ZFHX3: variants seen among roughly 807,000 people sequenced by gnomAD.
ZFHX3 encodes zinc finger homeobox protein 3.
ZFHX3 carries 42 observed loss-of-function variants against 279.1 expected under a neutral mutation model. The ratio of observed to expected loss-of-function variants is 0.15; its 90% CI spans 0.12 to 0.19. ZFHX3 has a LOEUF of 0.19. Ranked by LOEUF, ZFHX3 falls within the 10% of genes least tolerant of loss-of-function variation. The pLI, the probability that ZFHX3 is intolerant of heterozygous loss-of-function variation, is 1.00. For synonymous variants in ZFHX3, 2,293 were observed against 1,957.8 expected, an observed-to-expected ratio of 1.17 and a Z score of -4.52; for missense variants, 4,981 against 4,754.0, an observed-to-expected ratio of 1.05 and a Z score of -1.40.
At chr16:73,464,338 G>C (rs572219294) in intron 2 of ZFHX3, among the ~76,000 whole-genome samples, 101 of 152,082 alleles carry the variant, frequency 6.6e-4, no homozygotes, top group African/African-American at 2.4e-3. Flanking sequence ...ATTACAGTCC[G>C]GCTCTTCTGG....
At chr16:72,974,622 C>T (rs963859842) in intron 1 of ZFHX3, among the ~76,000 whole-genome samples, 1 of 151,584 alleles carries the variant, frequency 6.6e-6, no homozygotes, top group Non-Finnish European at 1.5e-5. Context: ...CCAACACGGG[C>T]ACAGCGAGTT....
chr16:73,619,858 T>G lies in ZFHX3; in HGVS notation c.-1547+60322A>C, dbSNP rs548176467. On this transcript the variant is annotated intron_variant, in intron 2 of 17. Coordinates refer to the ZFHX3 transcript ENST00000641206. ...TATCCCACGTCTCAAGTTTTTCTCA[T>G]GTGAGTCTCCATAAACCTTACTATT... 1.3e-3 allele frequency among the ~76,000 whole-genome samples: 205 copies of G among 152,332 alleles called. 1 individual carries two copies. Among genetic ancestry groups the G allele is most frequent in the African/African-American group, 4.5e-3 (187 of 41,582 alleles).
chr16:72,948,326 A>C (rs1960806818), intron 3 of ZFHX3, among the ~76,000 whole-genome samples: 1 of 152,176 alleles, frequency 6.6e-6, no homozygotes, highest in South Asian at 2.1e-4. Flanking sequence ...TCTACCCTGC[A>C]TCCCAACGCT....
chr16:73,681,162 T>C lies in ZFHX3; in HGVS notation c.-1607-922A>G, dbSNP rs2053006134. ...TCAAAAATGACAGAAGATGGTTGCA[T>C]GCATAAGCATCTTGCTATTATTTCC... On this transcript the variant is annotated intron_variant, in intron 1 of 17. Transcript: ENST00000641206. 3.9e-5 allele frequency among the ~76,000 whole-genome samples: 6 copies of C among 152,362 alleles called. No individual in the cohort carries two copies. The South Asian group carries it at 1.2e-3, about 32-fold the overall frequency.
intron 2 of ZFHX3, among the ~76,000 whole-genome samples, chr16:73,584,421 G>A (rs1298617706): frequency 6.6e-6 from 1 of 152,182 alleles, no homozygotes; most frequent in Admixed American, 6.5e-5. Flanking sequence ...CAGATAGACA[G>A]CTGACTGCTG....
intron 2 of ZFHX3, among the ~76,000 whole-genome samples, chr16:73,636,923 T>C (rs932092816): frequency 1.9e-4 from 29 of 152,072 alleles, no homozygotes; most frequent in Admixed American, 6.6e-5. Flanking sequence ...TTTTAAAGCT[T>C]AACTGAAAAA....
intron 2 of ZFHX3, among the ~76,000 whole-genome samples, chr16:73,478,350 G>C (rs565330194): frequency 6.6e-6 from 1 of 151,310 alleles, no homozygotes; most frequent in African/African-American, 2.4e-5. Context: ...TGGACCCTCA[G>C]ATTAAAAGTC....
chr16:73,188,471 C>T (rs899339615), intron 5 of ZFHX3, among the ~76,000 whole-genome samples: 3 of 152,220 alleles, frequency 2.0e-5, no homozygotes, highest in Non-Finnish European at 2.9e-5. Context: ...TGATGAGCTT[C>T]GGTCCACCTT....
At chr16:73,324,218 G>T (rs527767278) in intron 3 of ZFHX3, among the ~76,000 whole-genome samples, 2 of 152,250 alleles carry the variant, frequency 1.3e-5, no homozygotes, top group East Asian at 1.9e-4. Flanking sequence ...CCTGGGATTT[G>T]TCTGTGATAT....
upstream of ZFHX3, among the ~76,000 whole-genome samples, chr16:73,052,284 T>G (rs1434332833): frequency 1.3e-5 from 2 of 151,618 alleles, no homozygotes; most frequent in East Asian, 3.9e-4. Context: ...ACACGTGAGT[T>G]AAAACGATCC....
chr16:73,328,673 C>A (rs1447705316), intron 3 of ZFHX3, among the ~76,000 whole-genome samples: 1 of 152,076 alleles, frequency 6.6e-6, no homozygotes, highest in African/African-American at 2.4e-5. Flanking sequence ...AATAAACAGG[C>A]AAACCAAATA....
chr16:72,878,427 C>T (rs530539875), intron 4 of ZFHX3, among the ~76,000 whole-genome samples: 1 of 152,288 alleles, frequency 6.6e-6, no homozygotes, highest in South Asian at 2.1e-4. Context: ...GCTGCCCTCC[C>T]CATGCTGTGG....
At chr16:73,856,995 C>A (rs1299398689) in intron 1 of ZFHX3, among the ~76,000 whole-genome samples, 1 of 152,136 alleles carries the variant, frequency 6.6e-6, no homozygotes, top group Non-Finnish European at 1.5e-5. Flanking sequence ...GGCCAGAGAG[C>A]GGCACAGACA....
intron 3 of ZFHX3, among the ~76,000 whole-genome samples, chr16:73,376,626 T>C (rs1464468947): frequency 2.0e-5 from 3 of 152,168 alleles, no homozygotes; most frequent in African/African-American, 4.8e-5. Context: ...GAAATCTTAA[T>C]TCATGGTGTT....
intron 2 of ZFHX3, among the ~76,000 whole-genome samples, chr16:73,606,778 T>A (rs1036313405): frequency 6.6e-6 from 1 of 152,036 alleles, no homozygotes; most frequent in African/African-American, 2.4e-5. Context: ...TTTCCCCACA[T>A]GTGTCCATGT....
intron 7 of ZFHX3, 41 bp from the exon 8 acceptor site, chr16:72,800,170 C>A: frequency 6.5e-7 from 1 of 1,534,144 alleles, no homozygotes; most frequent in African/African-American, 1.4e-5. Flanking sequence ...GAGAGGAAAG[C>A]GACACAAAAT....
intron 2 of ZFHX3, among the ~76,000 whole-genome samples, chr16:73,664,826 T>G (rs1450571854): frequency 6.6e-6 from 1 of 152,212 alleles, no homozygotes; most frequent in African/African-American, 2.4e-5. Context: ...AGGAAAGTAA[T>G]TATAAAGGAC....
intron 1 of ZFHX3, among the ~76,000 whole-genome samples, chr16:73,706,304 T>A (rs2053302338): frequency 1.3e-5 from 2 of 151,596 alleles, no homozygotes; most frequent in South Asian, 4.2e-4. Flanking sequence ...CTCCTAAAGA[T>A]ACAAAAAATT....
intron 4 of ZFHX3, among the ~76,000 whole-genome samples, chr16:73,291,898 G>A (rs2014781573): frequency 6.6e-6 from 1 of 152,148 alleles, no homozygotes; most frequent in Non-Finnish European, 1.5e-5. Context: ...CTAGTCACTT[G>A]GCAAGCATCT....
Sources: gnomAD v4.1 joint callset for allele counts (sites outside exome capture counted in the v4.1 genomes callset) on GRCh38, gnomAD v4.1.1 for gene constraint, MANE v1.5 for transcripts, NCBI Gene and HGNC (gene_info 2026-07-23, HGNC 2026-07-21) for gene names.